ADGRL2: variants seen among roughly 807,000 people sequenced by gnomAD.
ADGRL2 encodes calcium-independent alpha-latrotoxin receptor 2.
ADGRL2 carries 44 observed loss-of-function variants against 157.4 expected under a neutral mutation model. The observed-to-expected ratio is 0.28, with a 90% CI of 0.22 to 0.36. The LOEUF (loss-of-function observed/expected upper bound fraction) is 0.36. Among genes scored for constraint, ADGRL2 ranks in the 10% least tolerant of loss-of-function variants. The probability of loss-of-function intolerance (pLI) is 1.00; values close to 1 mark genes in which losing one functional copy is unlikely to be tolerated. For missense variants in ADGRL2, 1,510 were observed against 1,768.9 expected (o/e 0.85, Z 2.63); for synonymous variants, 585 against 624.7 (o/e 0.94, Z 0.95).
chr1:81,911,091 G>T (rs1335194823), intron 3 of ADGRL2, among the ~76,000 whole-genome samples: 4 of 151,930 alleles, frequency 2.6e-5, no homozygotes, highest in Non-Finnish European at 5.9e-5. Flanking sequence ...TGTAATTCAG[G>T]CTGTGGACAT....
At chr1:81,571,896 A>C (rs1432378904) in intron 2 of ADGRL2, among the ~76,000 whole-genome samples, 15 of 152,158 alleles carry the variant, frequency 9.9e-5, no homozygotes, top group Admixed American at 9.8e-4. Context: ...CGCACCCCCC[A>C]GCCTTTGCTA....
At chr1:81,408,064 C>A (rs1047074577) in intron 1 of ADGRL2, among the ~76,000 whole-genome samples, 2 of 152,156 alleles carry the variant, frequency 1.3e-5, no homozygotes, top group Non-Finnish European at 2.9e-5. Flanking sequence ...GAGGCCCTGT[C>A]TTTCTTTAAT....
intron 2 of ADGRL2, among the ~76,000 whole-genome samples, chr1:81,861,916 T>G (rs1262945397): frequency 6.6e-6 from 1 of 152,156 alleles, no homozygotes; most frequent in African/African-American, 2.4e-5. Context: ...CACATGAATT[T>G]GCTTGGTTTA....
At chr1:81,436,348 C>T (rs2077409401) in intron 1 of ADGRL2, among the ~76,000 whole-genome samples, 1 of 152,170 alleles carries the variant, frequency 6.6e-6, no homozygotes, top group Non-Finnish European at 1.5e-5. Context: ...GGGTTTGATA[C>T]CAGATAGGTG....
intron 3 of ADGRL2, among the ~76,000 whole-genome samples, chr1:81,599,671 T>C (rs10782765): frequency 1.3e-5 from 2 of 151,780 alleles, no homozygotes; most frequent in Non-Finnish European, 2.9e-5. Context: ...TAATTTTTTT[T>C]AAAAAATTCA....
intron 2 of ADGRL2, among the ~76,000 whole-genome samples, chr1:81,456,831 C>T (rs6701355): frequency 0.1 from 15,348 of 152,024 alleles, 841 homozygotes; most frequent in Admixed American, 0.12. Context: ...TCCCACCTGT[C>T]TGCTCCTCCT....
chr1:81,369,569 T>G (rs1557634445), intron 1 of ADGRL2, among the ~76,000 whole-genome samples: 1 of 152,186 alleles, frequency 6.6e-6, no homozygotes. Context: ...ATTGTTCTGC[T>G]TCTGAAAGCA....
chr1:81,353,083 G>A (rs1014241013), intron 1 of ADGRL2, among the ~76,000 whole-genome samples: 2 of 152,026 alleles, frequency 1.3e-5, no homozygotes, highest in African/African-American at 2.4e-5. Context: ...ATATATGTAC[G>A]TTAATCATCA....
chr1:81,749,568 A>G (rs1336603264), intron 1 of ADGRL2, among the ~76,000 whole-genome samples: 1 of 152,160 alleles, frequency 6.6e-6, no homozygotes, highest in Non-Finnish European at 1.5e-5. Context: ...ATTTTCTTGA[A>G]CAGTGCCTGG....
At chr1:81,887,419 A>G (rs1173378561) in intron 2 of ADGRL2, among the ~76,000 whole-genome samples, 2 of 152,226 alleles carry the variant, frequency 1.3e-5, no homozygotes, top group African/African-American at 2.4e-5. Flanking sequence ...CACAGTATTT[A>G]GTGGGTTACA....
intron 2 of ADGRL2, among the ~76,000 whole-genome samples, chr1:81,880,728 GAT>G (rs1178091880): frequency 6.7e-6 from 1 of 149,220 alleles, no homozygotes; most frequent in African/African-American, 2.5e-5. Flanking sequence ...ATTCCACATT[GAT>G]TTATTTCCCT....
chr1:81,862,283 C>T (rs1274350662), intron 2 of ADGRL2, among the ~76,000 whole-genome samples: 4 of 151,982 alleles, frequency 2.6e-5, no homozygotes, highest in Non-Finnish European at 4.4e-5. Flanking sequence ...ATTGTTTTTA[C>T]GTTATGGGTA....
At chr1:81,624,564 TA>T in intron 3 of ADGRL2, among the ~76,000 whole-genome samples, 1 of 149,622 alleles carries the variant, frequency 6.7e-6, no homozygotes, top group African/African-American at 2.5e-5. Flanking sequence ...CCCCCAAAAA[TA>T]AAAAAGTAAT....
At chr1:81,955,578 C>T (rs1653241798) in intron 10 of ADGRL2, among the ~76,000 whole-genome samples, 1 of 152,138 alleles carries the variant, frequency 6.6e-6, no homozygotes, top group South Asian at 2.1e-4. Context: ...AGAGCTGACA[C>T]AGGTGGTTGT....
upstream of ADGRL2, chr1:81,800,285 G>T (rs764712216): frequency 6.6e-6 from 1 of 152,110 alleles, no homozygotes; most frequent in East Asian, 1.9e-4. Context: ...AAAAATCATC[G>T]CAATTTAAAA....
At position 81,405,631 on chromosome 1, in the gene ADGRL2, CA is replaced by C. The variant is rs35052629; in HGVS notation, c.-301-39391del. Among the ~76,000 whole-genome samples the C allele has an allele frequency of 8.0e-3, 951 of 119,206 alleles. 10 individuals are homozygous for C. The highest frequency in any genetic ancestry group is 0.024 in the African/African-American group (758 of 32,058). The allele number at this position is 119,206 out of a possible 152,430, so 78.2% of individuals were successfully genotyped here. ...TACCACCGCACTCCAGCCTGAATGA[CA>C]AAAAAAAAAAAAAGGAAATAAAAAG... On this transcript the variant is annotated intron_variant, in intron 1 of 24. Transcript: ENST00000370721.
intron 1 of ADGRL2, among the ~76,000 whole-genome samples, chr1:81,804,094 T>C (rs2088747175): frequency 6.6e-6 from 1 of 152,196 alleles, no homozygotes; most frequent in Non-Finnish European, 1.5e-5. Flanking sequence ...CATTCCAACT[T>C]GTGATGGGAC....
intron 1 of ADGRL2, among the ~76,000 whole-genome samples, chr1:81,325,506 C>T (rs1660833857): frequency 6.6e-6 from 1 of 152,182 alleles, no homozygotes; most frequent in South Asian, 2.1e-4. Context: ...GCAAGTCCCT[C>T]ACACCTTTCT....
intron 1 of ADGRL2, among the ~76,000 whole-genome samples, chr1:81,375,168 C>G (rs2076228241): frequency 1.3e-5 from 2 of 152,178 alleles, no homozygotes; most frequent in South Asian, 4.1e-4. Context: ...AGCTTAATAC[C>G]TGTCTTAATA....
Sources: gnomAD v4.1 joint callset for allele counts (sites outside exome capture counted in the v4.1 genomes callset) on GRCh38, gnomAD v4.1.1 for gene constraint, MANE v1.5 for transcripts, NCBI Gene and HGNC (gene_info 2026-07-23, HGNC 2026-07-21) for gene names.